RGS21: variants seen among roughly 807,000 people sequenced by gnomAD.
RGS21 encodes regulator of G protein signaling 21.
In RGS21, 19 loss-of-function variants were observed where a neutral mutation model predicts 18.7. The observed-to-expected ratio is 1.01, with a 90% CI of 0.71 to 1.49. The LOEUF is 1.49. RGS21 is among the 40% of genes most tolerant of loss of function. RGS21 has a pLI of 0.00. For missense variants in RGS21, 194 were observed against 176.8 expected (o/e 1.10, Z -0.55); for synonymous variants, 56 against 57.8 (o/e 0.97, Z 0.14).
intron 1 of RGS21, among the ~76,000 whole-genome samples, chr1:192,327,490 G>T (rs962372787): frequency 1.3e-5 from 2 of 150,986 alleles, no homozygotes; most frequent in African/African-American, 2.4e-5. Context: ...ATTTATTTTT[G>T]AGACGGAGGT....
At chr1:192,352,234 C>G in intron 4 of RGS21, 21 bp downstream of exon 4, 1 of 1,562,554 alleles carries the variant, frequency 6.4e-7, no homozygotes. Flanking sequence ...TACTTCAGAA[C>G]AGTGAAGAGT....
rs529438366 is a variant in RGS21 at position 192,332,763 on chromosome 1, C to T, written c.-60-10214C>T. Among the ~76,000 whole-genome samples the T allele has an allele frequency of 8.7e-4, 133 of 152,192 alleles. 1 individual carries two copies. The highest frequency in any genetic ancestry group is 2.8e-3 in the African/African-American group (115 of 41,540). On this transcript the variant is annotated intron_variant, in intron 1 of 4. Coordinates refer to ENST00000417209, the MANE Select transcript of RGS21 (RefSeq NM_001039152.3). ...GAATTCTCAAAACTCAACAGTTTAG[C>T]CAGACATGGCGCCTGTGCCTCACAC... is the stretch of plus-strand genomic sequence containing the variant.
chr1:192,359,655 GTA>G lies in RGS21; in HGVS notation c.256-6244_256-6243del, dbSNP rs10638712. Among the ~76,000 whole-genome samples, 1,032 of 124,140 alleles carry G rather than the reference GTA, an allele frequency of 8.3e-3. 13 individuals are homozygous for G. The highest frequency in any genetic ancestry group is 0.022 in the African/African-American group (731 of 33,582). 81.4% of individuals were successfully genotyped at this position (124,140 alleles called of 152,430 possible). On this transcript the variant is annotated intron_variant, in intron 4 of 4. Transcript: ENST00000417209. ...TATATATGTTTATATGTGTGTGTGT[GTA>G]TATATATATATATATATATATTCCT...
intron 1 of RGS21, among the ~76,000 whole-genome samples, chr1:192,323,486 A>G (rs1401108960): frequency 1.3e-5 from 2 of 152,092 alleles, no homozygotes; most frequent in Non-Finnish European, 2.9e-5. Flanking sequence ...ATATGAAGAA[A>G]GTATATAACA....
intron 1 of RGS21, among the ~76,000 whole-genome samples, chr1:192,337,363 T>A (rs558002089): frequency 9.2e-5 from 14 of 152,182 alleles, no homozygotes; most frequent in African/African-American, 2.9e-4. Flanking sequence ...TCTTATCAAA[T>A]TTTTTATTAA....
intron 1 of RGS21, among the ~76,000 whole-genome samples, chr1:192,331,355 C>T (rs1021700812): frequency 6.6e-6 from 1 of 152,040 alleles, no homozygotes. Context: ...AGATCGAGAC[C>T]AACCTGGCCA....
chr1:192,342,053 C>T (rs1658879172), intron 1 of RGS21, among the ~76,000 whole-genome samples: 1 of 151,940 alleles, frequency 6.6e-6, no homozygotes, highest in Non-Finnish European at 1.5e-5. Context: ...AGTCCAGGGC[C>T]ACTGATACTA....
intron 3 of RGS21, among the ~76,000 whole-genome samples, chr1:192,348,579 G>A (rs1334069500): frequency 6.6e-6 from 1 of 152,092 alleles, no homozygotes; most frequent in Non-Finnish European, 1.5e-5. Context: ...GAATGGTTCA[G>A]TAAGGCAATT....
At chr1:192,325,037 A>G (rs1308951207) in intron 1 of RGS21, among the ~76,000 whole-genome samples, 1 of 152,030 alleles carries the variant, frequency 6.6e-6, no homozygotes, top group Admixed American at 6.6e-5. Flanking sequence ...TCTGGCTTGA[A>G]TATCTTATTT....
intron 1 of RGS21, among the ~76,000 whole-genome samples, chr1:192,325,727 G>T (rs938416443): frequency 6.6e-6 from 1 of 152,030 alleles, no homozygotes; most frequent in African/African-American, 2.4e-5. Flanking sequence ...TTATATGCTT[G>T]TTTGCTGTAT....
intron 1 of RGS21, among the ~76,000 whole-genome samples, chr1:192,327,110 C>T (rs537765035): frequency 1.3e-5 from 2 of 151,870 alleles, no homozygotes; most frequent in East Asian, 3.9e-4. Context: ...CAATGTGCAT[C>T]GAATAATAGA....
At chr1:192,344,868 A>G (rs1487838327) in intron 2 of RGS21, among the ~76,000 whole-genome samples, 2 of 152,058 alleles carry the variant, frequency 1.3e-5, no homozygotes, top group African/African-American at 4.8e-5. Flanking sequence ...TTTTCTCCTA[A>G]AAACAATGTC....
intron 4 of RGS21, among the ~76,000 whole-genome samples, chr1:192,358,506 T>C (rs1316193166): frequency 6.6e-6 from 1 of 152,024 alleles, no homozygotes; most frequent in Admixed American, 6.6e-5. Context: ...TGATTATAGA[T>C]GGCCTTAATT....
chr1:192,357,908 T>C (rs1245395266), intron 4 of RGS21, among the ~76,000 whole-genome samples: 1 of 152,030 alleles, frequency 6.6e-6, no homozygotes, highest in African/African-American at 2.4e-5. Context: ...AGAATCATTC[T>C]GTGCTTCAAA....
At chr1:192,337,456 T>G (rs187067381) in intron 1 of RGS21, among the ~76,000 whole-genome samples, 157 of 152,212 alleles carry the variant, frequency 1.0e-3, no homozygotes, top group African/African-American at 3.6e-3. Flanking sequence ...ATACTCTTTT[T>G]AAAATTATAT....
chr1:192,351,007 T>C (rs764521354), intron 3 of RGS21, among the ~76,000 whole-genome samples: 11 of 152,166 alleles, frequency 7.2e-5, no homozygotes, highest in Non-Finnish European at 1.6e-4. Context: ...CTGTGTGTTG[T>C]TATTACATTT....
intron 2 of RGS21, among the ~76,000 whole-genome samples, chr1:192,344,868 A>C (rs1487838327): frequency 1.3e-5 from 2 of 152,058 alleles, no homozygotes; most frequent in East Asian, 3.8e-4. Context: ...TTTTCTCCTA[A>C]AAACAATGTC....
intron 1 of RGS21, among the ~76,000 whole-genome samples, chr1:192,338,471 A>G (rs1658803964): frequency 6.6e-6 from 1 of 152,146 alleles, no homozygotes; most frequent in South Asian, 2.1e-4. Context: ...ATGGGCAAAT[A>G]ACGATCAGTG....
intron 4 of RGS21, among the ~76,000 whole-genome samples, chr1:192,363,048 A>G (rs541995363): frequency 2.8e-4 from 43 of 152,290 alleles, no homozygotes; most frequent in African/African-American, 9.4e-4. Flanking sequence ...GGATAAAAGG[A>G]GTGACTTTCA....
Sources: allele counts gnomAD v4.1 joint callset (sites outside exome capture counted in the v4.1 genomes callset), GRCh38; gene constraint gnomAD v4.1.1; transcripts MANE v1.5; gene names NCBI Gene and HGNC (gene_info 2026-07-23, HGNC 2026-07-21).